PIWIL3: variants seen among roughly 807,000 people sequenced by gnomAD.
The protein encoded by PIWIL3 is piwi-like protein 3.
PIWIL3 carries 101 observed loss-of-function variants against 109.7 expected under a neutral mutation model. The ratio of observed to expected loss-of-function variants is 0.92; its 90% CI spans 0.78 to 1.09. The LOEUF is 1.09. Among genes scored for constraint, PIWIL3 ranks in the 50% least tolerant of loss-of-function variants. PIWIL3 has a pLI of 0.00. For synonymous variants in PIWIL3, 373 were observed against 376.4 expected (o/e 0.99, Z 0.10); for missense variants, 1,031 against 1,072.6 (o/e 0.96, Z 0.54).
intron 12 of PIWIL3, among the ~76,000 whole-genome samples, chr22:24,747,743 C>T (rs1924459804): frequency 6.6e-6 from 1 of 152,146 alleles, no homozygotes; most frequent in Admixed American, 6.5e-5. Context: ...GATATCATCT[C>T]ACCCCAGTTA....
intron 2 of PIWIL3, 65 bp downstream of exon 2, chr22:24,762,333 C>G: frequency 6.5e-7 from 1 of 1,549,098 alleles, no homozygotes; most frequent in Non-Finnish European, 8.7e-7. Context: ...CAACAACCAA[C>G]TCTATGTTCT....
rs552697065 is a variant in PIWIL3, at chr22:24,744,859, G to C, written c.1449+4048C>G. On this transcript the variant is annotated intron_variant, in intron 12 of 20. Transcript: ENST00000616349. The stretch of plus-strand genomic sequence containing the variant: ...CTTTCAGACAAAAAAGGGAAATGTT[G>C]GCCTTAACCTGCACTATACACCAGA... Among the ~76,000 whole-genome samples the C allele has an allele frequency of 8.5e-5, 13 of 152,210 alleles. No individual in the cohort carries two copies. The South Asian group carries it at 2.7e-3, about 32-fold the overall frequency.
At chr22:24,735,957 G>T in intron 12 of PIWIL3, 65 bp from the exon 13 acceptor site, 1 of 1,322,810 alleles carries the variant, frequency 7.6e-7, no homozygotes, top group Non-Finnish European at 1.0e-6. Context: ...CTGAGATCCT[G>T]TACGCTGTAA....
chr22:24,767,378 AAAATAAAT>A (rs542800935), intron 1 of PIWIL3, among the ~76,000 whole-genome samples: 86 of 151,086 alleles, frequency 5.7e-4, no homozygotes, highest in Non-Finnish European at 1.2e-3. Context: ...TCTACTAAAA[AAAATAAAT>A]AAATAAATAA....
At chr22:24,756,729 A>G in intron 4 of PIWIL3, 24 bp from the exon 5 acceptor site, 2 of 1,577,820 alleles carry the variant, frequency 1.3e-6, no homozygotes, top group Non-Finnish European at 1.7e-6. Context: ...CCACATGACA[A>G]TAAAGAAACA....
At chr22:24,737,469 G>A (rs1170507802) in intron 12 of PIWIL3, among the ~76,000 whole-genome samples, 2 of 152,310 alleles carry the variant, frequency 1.3e-5, no homozygotes, top group East Asian at 1.9e-4. Context: ...GGCCTTGGGT[G>A]GACTCAGACA....
chr22:24,744,618 T>C (rs1472611832), intron 12 of PIWIL3, among the ~76,000 whole-genome samples: 2 of 151,792 alleles, frequency 1.3e-5, no homozygotes, highest in East Asian at 3.9e-4. Flanking sequence ...TTAGACAAAA[T>C]AGATTTCAAG....
intron 11 of PIWIL3, 118 bp from the exon 12 acceptor site, chr22:24,749,139 ATGCGGCAGTAC>A (rs1213309232): frequency 2.3e-6 from 2 of 872,416 alleles, no homozygotes; most frequent in African/African-American, 3.4e-5. Context: ...CAGCATTGAG[ATGCGGCAGTAC>A]CTTCCCTGAA....
intron 12 of PIWIL3, among the ~76,000 whole-genome samples, chr22:24,736,187 T>C (rs970498800): frequency 1.3e-5 from 2 of 152,194 alleles, no homozygotes; most frequent in African/African-American, 4.8e-5. Flanking sequence ...CCAGAGACTT[T>C]ACCAATCAGA....
In PIWIL3 at chr22:24,719,847, G is replaced by T. The variant is rs142279392; in HGVS notation, c.2406C>A (p.Thr802=). The T allele has an allele frequency of 2.5e-6, 4 of 1,611,124 alleles. No individual in the cohort carries two copies. The highest frequency in any genetic ancestry group is 1.3e-5 in the African/African-American group (1 of 74,810). The change falls in exon 20 of 21, where the codon ACC becomes ACA. Residue 802 remains threonine (T), a synonymous_variant. Transcript: ENST00000616349. ...CATAGATGACGTTATAATGAGTGGG[G>T]GTAACAGTCCCATCTTGCACAGACT... ...VSQSVQDGTV[T]PTHYNVIYDT...
intron 1 of PIWIL3, among the ~76,000 whole-genome samples, chr22:24,771,688 A>G (rs375267533): frequency 2.0e-5 from 3 of 151,264 alleles, no homozygotes; most frequent in African/African-American, 7.3e-5. Context: ...TTTATTTCCA[A>G]TTTTCAGGCC....
At chr22:24,720,262 T>G (rs5760606) in intron 19 of PIWIL3, among the ~76,000 whole-genome samples, 1,849 of 36,800 alleles carry the variant, frequency 0.05, 27 homozygotes, top group East Asian at 0.2. Flanking sequence ...TTAAACTGTT[T>G]TTTTTTTTTT....
chr22:24,730,380 A>C (rs1437035033), intron 14 of PIWIL3, among the ~76,000 whole-genome samples: 1 of 151,768 alleles, frequency 6.6e-6, no homozygotes, highest in Admixed American at 6.6e-5. Flanking sequence ...AAAAAAAAAA[A>C]AAAGCATTAC....
intron 8 of PIWIL3, among the ~76,000 whole-genome samples, chr22:24,752,028 AT>A (rs1234074530): frequency 6.6e-6 from 1 of 152,248 alleles, no homozygotes; most frequent in Non-Finnish European, 1.5e-5. Context: ...GAATAAGGTT[AT>A]GAACATTTAT....
chr22:24,719,846 G>A lies in PIWIL3; in HGVS notation c.2407C>T (p.Pro803Ser). ...TCATAGATGACGTTATAATGAGTGG[G>A]GGTAACAGTCCCATCTTGCACAGAC... The part of the protein sequence containing the change: ...SQSVQDGTVT[P>S]THYNVIYDTI... Residue 803 changes from proline to serine, a missense_variant, in exon 20 of 21, where the codon CCC becomes TCC. Transcript: ENST00000616349. 4 of 1,611,594 alleles carry A rather than the reference G, an allele frequency of 2.5e-6. No homozygotes were observed. The highest frequency in any genetic ancestry group is 3.4e-6 in the Non-Finnish European group (4 of 1,177,742).
intron 2 of PIWIL3, 141 bp from the exon 3 acceptor site, chr22:24,760,130 G>A: frequency 8.7e-7 from 1 of 1,154,866 alleles, no homozygotes; most frequent in Non-Finnish European, 1.2e-6. Flanking sequence ...GTTGTAATAA[G>A]CAACATACAT....
At position 24,762,533 on chromosome 22, in the gene PIWIL3, A is replaced by G. The variant is rs1925501437; in HGVS notation, c.-22-12T>C. 2 of 1,588,794 alleles carry G rather than the reference A, an allele frequency of 1.3e-6. No individual in the cohort carries two copies. Among genetic ancestry groups the G allele is most frequent in the African/African-American group, 2.7e-5 (2 of 73,920 alleles). On this transcript the variant is annotated splice_polypyrimidine_tract_variant and intron_variant, in intron 1 of 20. Transcript: ENST00000616349. The stretch of plus-strand genomic sequence containing the variant: ...TGAAGGTGATGACCCTGAAGAATAC[A>G]GTTATATTAGACATCTCTGTGGAGT...
intron 1 of PIWIL3, among the ~76,000 whole-genome samples, chr22:24,765,263 G>C (rs544800384): frequency 3.9e-4 from 60 of 152,208 alleles, no homozygotes; most frequent in African/African-American, 1.4e-3. Context: ...AATAACTTCT[G>C]TATTTTAATA....
rs1555914379 is a variant in PIWIL3 at position 24,770,678 on chromosome 22, A to AAAT, written c.-23+3643_-23+3644insATT. ...TCTCTACTAAAAAAAAAAAAAAAAA[A>AAAT]ACAAAAATTAGCCGGGCATGGTGGC... On this transcript the variant is annotated intron_variant, in intron 1 of 20. Coordinates refer to ENST00000616349, the MANE Select transcript of PIWIL3 (RefSeq NM_001255975.1). Among the ~76,000 whole-genome samples the AAAT allele has an allele frequency of 8.8e-3, 1,250 of 142,504 alleles. 32 individuals are homozygous for AAAT. The highest frequency in any genetic ancestry group is 0.031 in the African/African-American group (1,163 of 37,988). 93.5% of individuals were successfully genotyped at this position (142,504 alleles called of 152,430 possible).
Sources: allele counts gnomAD v4.1 joint callset (sites outside exome capture counted in the v4.1 genomes callset), GRCh38; gene constraint gnomAD v4.1.1; transcripts MANE v1.5; gene names NCBI Gene and HGNC (gene_info 2026-07-23, HGNC 2026-07-21).